Variants in LUZP2 observed in about 807,000 individuals in gnomAD.
LUZP2 encodes leucine zipper protein 2.
LUZP2 carries 52 observed loss-of-function variants against 51.6 expected under a neutral mutation model. The observed-to-expected ratio is 1.01, with a 90% CI of 0.81 to 1.27. The LOEUF is 1.27. Among genes scored for constraint, LUZP2 ranks in the 50% most tolerant of loss-of-function variants. LUZP2 has a pLI of 0.00. For missense variants in LUZP2, 436 were observed against 395.4 expected, an observed-to-expected ratio of 1.10 and a Z score of -0.87; for synonymous variants, 154 against 137.3, an observed-to-expected ratio of 1.12 and a Z score of -0.85.
At chr11:24,833,716 A>ACG (rs770989895) in intron 5 of LUZP2, among the ~76,000 whole-genome samples, 29 of 147,624 alleles carry the variant, frequency 2.0e-4, no homozygotes, top group Non-Finnish European at 3.9e-4. Context: ...GCGCGCGCAC[A>ACG]CACACACACA....
At chr11:24,776,562 T>C (rs1289243331) in intron 5 of LUZP2, among the ~76,000 whole-genome samples, 2 of 152,138 alleles carry the variant, frequency 1.3e-5, no homozygotes, top group African/African-American at 4.8e-5. Flanking sequence ...TTTCTTAATA[T>C]CCTTCAAATC....
chr11:25,001,198 T>C (rs1172299004), intron 9 of LUZP2, among the ~76,000 whole-genome samples: 1 of 152,204 alleles, frequency 6.6e-6, no homozygotes, highest in African/African-American at 2.4e-5. Flanking sequence ...ATTCAGTCCA[T>C]ATTAACTGAG....
At chr11:24,781,017 G>A (rs1395451721) in intron 5 of LUZP2, among the ~76,000 whole-genome samples, 1 of 152,026 alleles carries the variant, frequency 6.6e-6, no homozygotes, top group African/African-American at 2.4e-5. Flanking sequence ...GGAGTGTGAT[G>A]CCAGACTGTC....
rs1249170017 is a variant in LUZP2 at position 24,649,028 on chromosome 11, C to T, written c.63-80141C>T. Among the ~76,000 whole-genome samples, 9 of 152,114 alleles carry T rather than the reference C, an allele frequency of 5.9e-5. No homozygotes were observed. The South Asian group carries it at 1.9e-3, about 32-fold the overall frequency. On this transcript the variant is annotated intron_variant, in intron 1 of 11. Coordinates refer to ENST00000336930, the MANE Select transcript of LUZP2 (RefSeq NM_001009909.4). ...ATGTGCTTCCTGTCCTGTAACTAAT[C>T]TTCCCTATGAAAAACAAACATAAAG...
chr11:24,616,468 C>CATGTGTGTGT, intron 1 of LUZP2, among the ~76,000 whole-genome samples: 1 of 76,604 alleles, frequency 1.3e-5, no homozygotes, highest in South Asian at 3.8e-4. Context: ...TGGTATTTGG[C>CATGTGTGTGT]GTGCGCATGT....
chr11:24,539,863 G>A (rs143805759), intron 1 of LUZP2, among the ~76,000 whole-genome samples: 2,185 of 152,078 alleles, frequency 0.014, 49 homozygotes, highest in African/African-American at 0.047. Flanking sequence ...GTTTAGAGCT[G>A]TATCTGACAC....
chr11:24,637,326 G>A (rs1163325520), intron 1 of LUZP2, among the ~76,000 whole-genome samples: 1 of 151,730 alleles, frequency 6.6e-6, no homozygotes, highest in East Asian at 1.9e-4. Flanking sequence ...TTTGTAAGCT[G>A]AGGATGTATG....
intron 1 of LUZP2, among the ~76,000 whole-genome samples, chr11:24,518,401 T>C (rs1234056598): frequency 1.3e-5 from 2 of 152,172 alleles, no homozygotes; most frequent in Non-Finnish European, 2.9e-5. Context: ...CCTTGTAACA[T>C]TGTATATTTA....
intron 7 of LUZP2, among the ~76,000 whole-genome samples, chr11:24,936,794 C>A (rs1191454527): frequency 6.6e-6 from 1 of 152,036 alleles, no homozygotes; most frequent in Non-Finnish European, 1.5e-5. Flanking sequence ...TAGTCAGAGG[C>A]CAAAATTCAC....
intron 1 of LUZP2, among the ~76,000 whole-genome samples, chr11:24,528,631 A>C (rs1850894979): frequency 6.6e-6 from 1 of 151,178 alleles, no homozygotes; most frequent in South Asian, 2.1e-4. Context: ...AATCCTCATC[A>C]AAATATTCAA....
At chr11:24,574,421 G>T (rs1318895655) in intron 1 of LUZP2, among the ~76,000 whole-genome samples, 1 of 136,412 alleles carries the variant, frequency 7.3e-6, no homozygotes, top group African/African-American at 2.7e-5. Context: ...TGGTGTGTAT[G>T]TATTTGTGTG....
chr11:24,909,149 A>C (rs554346478), intron 6 of LUZP2, among the ~76,000 whole-genome samples: 1 of 150,214 alleles, frequency 6.7e-6, no homozygotes, highest in Admixed American at 6.7e-5. Context: ...ATTTTTTAAA[A>C]ATATATATAT....
intron 1 of LUZP2, among the ~76,000 whole-genome samples, chr11:24,704,454 A>C (rs996555338): frequency 2.0e-5 from 3 of 151,986 alleles, no homozygotes; most frequent in South Asian, 2.1e-4. Flanking sequence ...GAAAAAAAAA[A>C]AACAGGATTA....
intron 5 of LUZP2, among the ~76,000 whole-genome samples, chr11:24,784,022 G>C (rs1029013712): frequency 3.3e-5 from 5 of 151,828 alleles, no homozygotes; most frequent in African/African-American, 1.2e-4. Flanking sequence ...CAGCTTCTAG[G>C]CCTTTCTTGC....
At chr11:24,937,113 G>C (rs1372957577) in intron 7 of LUZP2, among the ~76,000 whole-genome samples, 3 of 152,058 alleles carry the variant, frequency 2.0e-5, no homozygotes. Flanking sequence ...GTCTAGGACT[G>C]CATTACATGC....
chr11:24,529,634 A>C (rs1157556668), intron 1 of LUZP2, among the ~76,000 whole-genome samples: 1 of 151,114 alleles, frequency 6.6e-6, no homozygotes, highest in African/African-American at 2.4e-5. Context: ...TTATAAGTAA[A>C]TAAAAATATT....
Position 24,869,936 on chromosome 11 carries a change from A to G in LUZP2, c.397-36055A>G, listed in dbSNP as rs185776416. Among the ~76,000 whole-genome samples, 270 of 152,294 alleles carry G rather than the reference A, an allele frequency of 1.8e-3. 1 individual carries two copies. Among genetic ancestry groups the G allele is most frequent in the Middle Eastern group, 0.014 (4 of 294 alleles). On this transcript the variant is annotated intron_variant, in intron 5 of 11. Transcript: ENST00000336930. Reference sequence around the variant, plus strand: ...ATAGGCTAAGAGCTAGACTTCTTGCATTAAATAGGTAGCCAAATTGTGAAT... The same window carrying G: ...ATAGGCTAAGAGCTAGACTTCTTGCGTTAAATAGGTAGCCAAATTGTGAAT...
intron 7 of LUZP2, 55 bp downstream of exon 7, chr11:24,914,593 T>G (rs1303585505): frequency 1.7e-6 from 2 of 1,151,026 alleles, no homozygotes; most frequent in Non-Finnish European, 2.5e-6. Flanking sequence ...ACCTAAAATA[T>G]CAAAAACATT....
At chr11:24,927,033 C>T (rs1206682947) in intron 7 of LUZP2, among the ~76,000 whole-genome samples, 1 of 151,068 alleles carries the variant, frequency 6.6e-6, no homozygotes, top group Non-Finnish European at 1.5e-5. Flanking sequence ...TGTTTGTTGG[C>T]CATTTCTGTA....
Sources: gnomAD v4.1 joint callset for allele counts (sites outside exome capture counted in the v4.1 genomes callset) on GRCh38, gnomAD v4.1.1 for gene constraint, MANE v1.5 for transcripts, NCBI Gene and HGNC (gene_info 2026-07-23, HGNC 2026-07-21) for gene names.